Variants in SCHIP1 observed in about 807,000 individuals in gnomAD.
The protein encoded by SCHIP1 is schwannomin interacting protein 1, also known as schwannomin-interacting protein 1.
In SCHIP1, 8 loss-of-function variants were observed where a neutral mutation model predicts 29.7. That is an observed-to-expected ratio of 0.27 (90% CI 0.16 to 0.49). The LOEUF is 0.49. Among genes scored for constraint, SCHIP1 ranks in the 20% least tolerant of loss-of-function variants. The pLI, the probability that SCHIP1 is intolerant of heterozygous loss-of-function variation, is 0.99. For synonymous variants in SCHIP1, 76 were observed against 94.9 expected, an observed-to-expected ratio of 0.80 and a Z score of 1.16; for missense variants, 193 against 294.6, an observed-to-expected ratio of 0.66 and a Z score of 2.52.
chr3:159,291,003 TAACTC>T, the SCHIP1 span, among the ~76,000 whole-genome samples: 3 of 151,962 alleles, frequency 2.0e-5, no homozygotes, highest in Non-Finnish European at 2.9e-5. Context: ...TAAAAGAAAA[TAACTC>T]AACAGAAATT....
the SCHIP1 span, among the ~76,000 whole-genome samples, chr3:159,774,525 C>T: frequency 1.3e-5 from 2 of 152,032 alleles, no homozygotes; most frequent in Non-Finnish European, 2.9e-5. Context: ...CTCCACTGAC[C>T]GATTTTTCAA....
At chr3:159,506,227 T>C in the SCHIP1 span, among the ~76,000 whole-genome samples, 1 of 152,250 alleles carries the variant, frequency 6.6e-6, no homozygotes, top group Admixed American at 6.5e-5. Context: ...CCAGTGATGA[T>C]GAGCATTTTT....
At chr3:159,564,430 G>A in the SCHIP1 span, among the ~76,000 whole-genome samples, 1 of 151,806 alleles carries the variant, frequency 6.6e-6, no homozygotes, top group Non-Finnish European at 1.5e-5. Flanking sequence ...AGGCTGGAGT[G>A]CAATGGCACA....
chr3:159,596,005 A>G, the SCHIP1 span, among the ~76,000 whole-genome samples: 4,670 of 152,260 alleles, frequency 0.031, 157 homozygotes, highest in African/African-American at 0.082. Context: ...TACCATCAGA[A>G]TGAACAGGCA....
chr3:159,407,874 A>T, the SCHIP1 span, among the ~76,000 whole-genome samples: 1 of 152,254 alleles, frequency 6.6e-6, no homozygotes. Flanking sequence ...CCTATGGAAT[A>T]CAGTGAAAGC....
At chr3:159,631,211 A>C in the SCHIP1 span, among the ~76,000 whole-genome samples, 1 of 152,118 alleles carries the variant, frequency 6.6e-6, no homozygotes, top group Non-Finnish European at 1.5e-5. Context: ...AACAATATGG[A>C]GATATCAAAA....
the SCHIP1 span, among the ~76,000 whole-genome samples, chr3:159,380,630 A>ATCTC: frequency 2.0e-5 from 3 of 152,166 alleles, no homozygotes; most frequent in Non-Finnish European, 4.4e-5. Flanking sequence ...TTATAATAAT[A>ATCTC]TCTCTATTTG....
chr3:159,765,088 C>T, the SCHIP1 span: 6 of 1,571,508 alleles, frequency 3.8e-6, no homozygotes, highest in Admixed American at 1.9e-5. Context: ...GCTGCAGTTC[C>T]GGGAGCAGGA....
the SCHIP1 span, chr3:159,764,740 G>C: frequency 1.3e-6 from 2 of 1,572,360 alleles, no homozygotes; most frequent in Non-Finnish European, 1.7e-6. This position sits in a 1 kb window ranked among gnomAD's most constrained non-coding sequence, Gnocchi z 6.1. Context: ...TCCGGCCCGG[G>C]AACCGGGGGA....
chr3:159,885,268 T>G (rs574389094), intron 2 of SCHIP1, among the ~76,000 whole-genome samples: 1 of 152,180 alleles, frequency 6.6e-6, no homozygotes, highest in Non-Finnish European at 1.5e-5. Context: ...CGTAGGAACC[T>G]CCTTTTGCCT....
chr3:159,409,544 A>G, the SCHIP1 span, among the ~76,000 whole-genome samples: 1 of 152,146 alleles, frequency 6.6e-6, no homozygotes, highest in Non-Finnish European at 1.5e-5. Context: ...ATAGCTATGA[A>G]TAAAATAAAA....
the SCHIP1 span, among the ~76,000 whole-genome samples, chr3:159,492,346 AC>A: frequency 6.6e-6 from 1 of 152,148 alleles, no homozygotes; most frequent in African/African-American, 2.4e-5. Context: ...GAAGTTAAAA[AC>A]TTTGAAAAAA....
upstream of SCHIP1, among the ~76,000 whole-genome samples, chr3:159,838,913 A>T (rs964094422): frequency 6.6e-6 from 1 of 151,648 alleles, no homozygotes; most frequent in African/African-American, 2.4e-5. Flanking sequence ...AAAAAAAAAA[A>T]AAAGCTAAAA....
chr3:159,866,390 T>G (rs1026724074), intron 2 of SCHIP1, 109 bp downstream of exon 3: 27 of 1,026,414 alleles, frequency 2.6e-5, no homozygotes, highest in Non-Finnish European at 3.8e-5. Flanking sequence ...TTTTTCCCCC[T>G]CGCATAATAC....
chr3:159,507,879 T>C, the SCHIP1 span, among the ~76,000 whole-genome samples: 18 of 152,366 alleles, frequency 1.2e-4, no homozygotes, highest in East Asian at 2.9e-3. Flanking sequence ...CAGTATTTTA[T>C]TGAGGATTTT....
the SCHIP1 span, among the ~76,000 whole-genome samples, chr3:159,400,365 A>G: frequency 1.3e-5 from 2 of 152,214 alleles, no homozygotes; most frequent in African/African-American, 4.8e-5. Context: ...GTTACTATCA[A>G]AGAACAGAGT....
exon 7 of SCHIP1, chr3:159,897,205 G>C (rs1433427912): frequency 6.5e-6 from 1 of 153,072 alleles, no homozygotes; most frequent in African/African-American, 2.4e-5. Flanking sequence ...GTAGCTCTCC[G>C]TAATATGTAT....
chr3:159,550,203 A>G, the SCHIP1 span, among the ~76,000 whole-genome samples: 2 of 135,014 alleles, frequency 1.5e-5, no homozygotes, highest in Admixed American at 1.5e-4. Flanking sequence ...TACTTAGATC[A>G]TTGACTTGTT....
the SCHIP1 span, among the ~76,000 whole-genome samples, chr3:159,626,300 ATTTT>A: frequency 7.6e-6 from 1 of 131,500 alleles, no homozygotes; most frequent in Non-Finnish European, 1.6e-5. Flanking sequence ...AGATAGATAG[ATTTT>A]TTTTTACCTT....
Sources: allele counts gnomAD v4.1 joint callset (sites outside exome capture counted in the v4.1 genomes callset), GRCh38; gene constraint gnomAD v4.1.1; non-coding constraint Gnocchi (gnomAD v3.1); transcripts MANE v1.5; gene names NCBI Gene and HGNC (gene_info 2026-07-23, HGNC 2026-07-21).